NCOA2: variants seen among roughly 807,000 people sequenced by gnomAD.
The protein encoded by NCOA2 is class E basic helix-loop-helix protein 75.
NCOA2 carries 21 observed loss-of-function variants against 145.1 expected under a neutral mutation model. That is an observed-to-expected ratio of 0.14 (90% CI 0.10 to 0.21). The LOEUF is 0.21. NCOA2 is among the 10% of genes least tolerant of loss of function. The pLI is 1.00. For synonymous variants in NCOA2, 619 were observed against 637.5 expected, an observed-to-expected ratio of 0.97 and a Z score of 0.44; for missense variants, 1,472 against 1,837.6, an observed-to-expected ratio of 0.80 and a Z score of 3.64.
intron 14 of NCOA2, among the ~76,000 whole-genome samples, chr8:70,139,611 T>A (rs571441723): frequency 6.9e-4 from 105 of 151,576 alleles, no homozygotes; most frequent in African/African-American, 2.4e-3. Flanking sequence ...GGATGAAAAT[T>A]CTACACTGTC....
At chr8:70,361,851 T>C (rs1399547431) in intron 1 of NCOA2, among the ~76,000 whole-genome samples, 1 of 152,196 alleles carries the variant, frequency 6.6e-6, no homozygotes, top group Admixed American at 6.5e-5. Context: ...AAGTAGGAGT[T>C]AACTGTAATC....
chr8:70,161,266 T>C lies in NCOA2; in HGVS notation c.976+1445A>G, dbSNP rs188734983. Among the ~76,000 whole-genome samples the C allele has an allele frequency of 6.4e-4, 98 of 152,346 alleles. 2 individuals carry two copies. The East Asian group carries it at 0.013, about 20-fold the overall frequency. On this transcript the variant is annotated intron_variant, in intron 9 of 22. Transcript: ENST00000452400. ...AATCCTTTTGTAAGGAATCAGGTTG[T>C]CAAAGAATTAAACTCAGGACCCAAG...
At chr8:70,447,591 T>C in the NCOA2 span, among the ~76,000 whole-genome samples, 2 of 152,220 alleles carry the variant, frequency 1.3e-5, no homozygotes, top group East Asian at 3.9e-4. Context: ...GTTTTTTTTT[T>C]CTCCTAATCC....
chr8:70,133,644 AAAT>A, intron 15 of NCOA2, among the ~76,000 whole-genome samples: 1 of 152,234 alleles, frequency 6.6e-6, no homozygotes, highest in Admixed American at 6.5e-5. Flanking sequence ...GTTTTGGAGA[AAAT>A]AAACATTTAC....
intron 20 of NCOA2, 80 bp from the exon 21 acceptor site, chr8:70,124,162 C>T: frequency 7.5e-7 from 1 of 1,339,606 alleles, no homozygotes; most frequent in Non-Finnish European, 1.0e-6. Context: ...ACTTGTTTCT[C>T]AGGCGTTTAC....
At chr8:70,367,586 C>T (rs188446660) in intron 1 of NCOA2, among the ~76,000 whole-genome samples, 16 of 152,280 alleles carry the variant, frequency 1.1e-4, no homozygotes, top group African/African-American at 3.8e-4. Context: ...AACCAGTTCA[C>T]AGGTCCAAAC....
At chr8:70,194,136 C>T (rs766740171) in intron 4 of NCOA2, among the ~76,000 whole-genome samples, 1 of 152,104 alleles carries the variant, frequency 6.6e-6, no homozygotes, top group Non-Finnish European at 1.5e-5. Context: ...TTGGGGTTTC[C>T]TTTTGTACAA....
At chr8:70,360,628 T>C (rs1028218054) in intron 1 of NCOA2, among the ~76,000 whole-genome samples, 2 of 152,112 alleles carry the variant, frequency 1.3e-5, no homozygotes, top group Non-Finnish European at 2.9e-5. Flanking sequence ...GACTGCAATA[T>C]AATCTGTCAT....
chr8:70,290,066 T>C (rs1826543218), intron 2 of NCOA2, among the ~76,000 whole-genome samples: 1 of 152,044 alleles, frequency 6.6e-6, no homozygotes, highest in Non-Finnish European at 1.5e-5. Flanking sequence ...CAAAATATAA[T>C]GGTGCCTAGG....
At chr8:70,187,746 T>C in intron 4 of NCOA2, among the ~76,000 whole-genome samples, 1 of 152,234 alleles carries the variant, frequency 6.6e-6, no homozygotes, top group East Asian at 1.9e-4. Flanking sequence ...AAATTAGTTT[T>C]GTTTTACATA....
chr8:70,399,230 T>C (rs193237917), intron 1 of NCOA2, among the ~76,000 whole-genome samples: 11 of 152,322 alleles, frequency 7.2e-5, no homozygotes, highest in African/African-American at 2.6e-4. Context: ...TTTTTACAGC[T>C]TGCAATTCAT....
At chr8:70,151,692 C>G (rs985465681) in intron 11 of NCOA2, among the ~76,000 whole-genome samples, 2 of 152,188 alleles carry the variant, frequency 1.3e-5, no homozygotes, top group African/African-American at 4.8e-5. Flanking sequence ...TTCATTCAAG[C>G]TTGGCATCTG....
chr8:70,348,039 TG>T (rs1808839309), intron 1 of NCOA2, among the ~76,000 whole-genome samples: 1 of 152,198 alleles, frequency 6.6e-6, no homozygotes, highest in Admixed American at 6.5e-5. Context: ...AGGAAAGAGC[TG>T]AGTAAAAAAT....
chr8:70,441,204 C>A, the NCOA2 span, among the ~76,000 whole-genome samples: 1 of 139,608 alleles, frequency 7.2e-6, no homozygotes, highest in Admixed American at 7.5e-5. Flanking sequence ...GGGTCATGGT[C>A]ACATGTGGGA....
chr8:70,385,275 T>A (rs971795404), intron 1 of NCOA2, among the ~76,000 whole-genome samples: 1 of 152,154 alleles, frequency 6.6e-6, no homozygotes, highest in African/African-American at 2.4e-5. Flanking sequence ...TGCAGGTGAT[T>A]CAAAGTGACA....
chr8:70,318,359 A>T (rs1456581475), intron 1 of NCOA2, among the ~76,000 whole-genome samples: 2 of 152,216 alleles, frequency 1.3e-5, no homozygotes, highest in African/African-American at 4.8e-5. Flanking sequence ...TCCTTGTAAA[A>T]TTCTGCAGTG....
At chr8:70,113,670 G>T (rs1426187758) in intron 22 of NCOA2, 27 bp from the exon 23 acceptor site, 1 of 1,549,986 alleles carries the variant, frequency 6.5e-7, no homozygotes. Context: ...AAAAAGTTGT[G>T]AAACATCTTT....
intron 1 of NCOA2, among the ~76,000 whole-genome samples, chr8:70,379,808 C>T (rs991187580): frequency 2.1e-5 from 3 of 142,454 alleles, no homozygotes; most frequent in Admixed American, 6.8e-5. Flanking sequence ...AAATTTAGAG[C>T]AACTAAACTT....
At chr8:70,277,476 C>T (rs1407357044) in intron 2 of NCOA2, among the ~76,000 whole-genome samples, 1 of 152,012 alleles carries the variant, frequency 6.6e-6, no homozygotes, top group Non-Finnish European at 1.5e-5. Flanking sequence ...TGAAACTAAT[C>T]CTGAAACTTT....
Sources: gnomAD v4.1 joint callset for allele counts (sites outside exome capture counted in the v4.1 genomes callset) on GRCh38, gnomAD v4.1.1 for gene constraint, MANE v1.5 for transcripts, NCBI Gene and HGNC (gene_info 2026-07-23, HGNC 2026-07-21) for gene names.